PTPRN2: variants seen among roughly 807,000 people sequenced by gnomAD.
The protein encoded by PTPRN2 is receptor-type tyrosine-protein phosphatase N2.
A neutral mutation model predicts 118.8 loss-of-function variants in PTPRN2; 74 were observed. That is an observed-to-expected ratio of 0.62 (90% CI 0.52 to 0.76). PTPRN2 has a LOEUF of 0.76. PTPRN2 is among the 30% of genes least tolerant of loss of function. The pLI, the probability that PTPRN2 is intolerant of heterozygous loss-of-function variation, is 0.00. For missense variants in PTPRN2, 1,481 were observed against 1,394.4 expected, an observed-to-expected ratio of 1.06 and a Z score of -0.99; for synonymous variants, 641 against 608.0, an observed-to-expected ratio of 1.05 and a Z score of -0.80.
At chr7:158,034,170 G>A (rs560123311) in intron 11 of PTPRN2, among the ~76,000 whole-genome samples, 1 of 151,542 alleles carries the variant, frequency 6.6e-6, no homozygotes, top group East Asian at 2.0e-4. Flanking sequence ...TGAGGCCTGG[G>A]TGAGCGTCCC....
intron 11 of PTPRN2, among the ~76,000 whole-genome samples, chr7:157,961,017 A>C (rs1415493213): frequency 3.9e-5 from 6 of 152,310 alleles, no homozygotes; most frequent in East Asian, 3.9e-4. Flanking sequence ...AAAAACAAAA[A>C]CAAAACAAAA....
intron 3 of PTPRN2, among the ~76,000 whole-genome samples, chr7:158,206,854 T>A (rs1246896984): frequency 2.0e-5 from 3 of 151,152 alleles, no homozygotes; most frequent in African/African-American, 4.9e-5. Flanking sequence ...CATGTGCACA[T>A]TGTACAGGTT....
intron 9 of PTPRN2, among the ~76,000 whole-genome samples, chr7:158,116,946 C>T (rs2150383281): frequency 6.6e-6 from 1 of 152,232 alleles, no homozygotes; most frequent in South Asian, 2.1e-4. Context: ...CAAAAAATAG[C>T]AAACCTATGG....
intron 1 of PTPRN2, among the ~76,000 whole-genome samples, chr7:158,578,281 C>CG (rs750694612): frequency 7.4e-6 from 1 of 135,132 alleles, no homozygotes; most frequent in Non-Finnish European, 1.6e-5. Flanking sequence ...ATTTAAGTCA[C>CG]CTTTTTTTTT....
intron 12 of PTPRN2, among the ~76,000 whole-genome samples, chr7:157,720,989 G>A (rs927093295): frequency 2.6e-5 from 4 of 152,148 alleles, no homozygotes; most frequent in Admixed American, 2.0e-4. Flanking sequence ...AGGTAGGTGT[G>A]GGGGCTCGGG....
At chr7:158,246,872 C>T (rs1796288492) in intron 3 of PTPRN2, among the ~76,000 whole-genome samples, 2 of 152,108 alleles carry the variant, frequency 1.3e-5, no homozygotes, top group Non-Finnish European at 2.9e-5. Flanking sequence ...CACAAGACAG[C>T]TTCAGAGCTG....
At chr7:158,040,907 A>G (rs1032245036) in intron 11 of PTPRN2, among the ~76,000 whole-genome samples, 1 of 151,906 alleles carries the variant, frequency 6.6e-6, no homozygotes, top group Non-Finnish European at 1.5e-5. Flanking sequence ...TAATTTTTGT[A>G]TTTTTAGTAA....
At chr7:157,652,231 C>T (rs934861012) in intron 14 of PTPRN2, among the ~76,000 whole-genome samples, 4 of 152,330 alleles carry the variant, frequency 2.6e-5, no homozygotes, top group South Asian at 2.1e-4. Context: ...GCAAAGGCCC[C>T]GCCGGGCTCT....
At chr7:157,806,780 C>A (rs1316755323) in intron 12 of PTPRN2, among the ~76,000 whole-genome samples, 2 of 152,244 alleles carry the variant, frequency 1.3e-5, no homozygotes, top group African/African-American at 4.8e-5. Context: ...CACTGAGAAC[C>A]CCCTCAGTCC....
chr7:158,166,891 A>G, intron 6 of PTPRN2, 40 bp downstream of exon 6: 2 of 1,419,682 alleles, frequency 1.4e-6, no homozygotes, highest in South Asian at 1.6e-5. Context: ...TGGACAGAGG[A>G]CAGTCAGCAA....
intron 11 of PTPRN2, among the ~76,000 whole-genome samples, chr7:158,071,452 TGGTTGAGGTGCTC>T (rs1331560350): frequency 7.9e-5 from 6 of 75,478 alleles, no homozygotes; most frequent in Admixed American, 2.6e-4. Context: ...GAGGTGCTCG[TGGTTGAGGTGCTC>T]GTGGTGGTGG....
chr7:158,530,637 G>T (rs117153983), intron 1 of PTPRN2, among the ~76,000 whole-genome samples: 2,130 of 152,344 alleles, frequency 0.014, 24 homozygotes, highest in Non-Finnish European at 0.023. Flanking sequence ...GCACCCATGT[G>T]TGCATATATG....
chr7:157,736,530 C>T (rs955381684), intron 12 of PTPRN2, among the ~76,000 whole-genome samples: 6 of 152,190 alleles, frequency 3.9e-5, no homozygotes, highest in African/African-American at 1.4e-4. Context: ...AGAGAGGTCA[C>T]AGGAAGAACC....
At chr7:158,445,821 A>G (rs1164990578) in intron 2 of PTPRN2, among the ~76,000 whole-genome samples, 4 of 152,200 alleles carry the variant, frequency 2.6e-5, no homozygotes, top group African/African-American at 9.7e-5. Context: ...TGAGCCACAG[A>G]GCAGCAGACG....
In PTPRN2 at chr7:157,869,705, G is replaced by A. The variant is rs60363175; in HGVS notation, c.1788+28968C>T. 0.011 allele frequency among the ~76,000 whole-genome samples: 1,652 copies of A among 152,284 alleles called. 36 individuals carry two copies. The highest frequency in any genetic ancestry group is 0.038 in the African/African-American group (1,570 of 41,544). The stretch of plus-strand genomic sequence containing the variant: ...GGGGGATGCCTCATGAGTTCTCATC[G>A]GAACTCTTGCTAAATTGCCCGTGTT... On this transcript the variant is annotated intron_variant, in intron 12 of 22. Transcript: ENST00000389418. The surrounding 1 kb of genome is among the most constrained non-coding windows in gnomAD (Gnocchi z 4.2).
intron 4 of PTPRN2, among the ~76,000 whole-genome samples, chr7:158,204,432 A>T (rs1452580188): frequency 6.6e-6 from 1 of 152,192 alleles, no homozygotes; most frequent in Non-Finnish European, 1.5e-5. Context: ...AGATATCTAA[A>T]TTTTGTGTTA....
intron 21 of PTPRN2, among the ~76,000 whole-genome samples, chr7:157,561,720 C>T (rs1799200600): frequency 6.6e-6 from 1 of 152,250 alleles, no homozygotes; most frequent in African/African-American, 2.4e-5. Context: ...CCCAGGACAG[C>T]CCGTGAGTGA....
At chr7:158,073,624 T>C (rs979132406) in intron 11 of PTPRN2, among the ~76,000 whole-genome samples, 1 of 150,214 alleles carries the variant, frequency 6.7e-6, no homozygotes. Context: ...GCCCTTTCTA[T>C]GCGGAGATGA....
At chr7:157,884,008 A>T (rs1796320232) in intron 12 of PTPRN2, among the ~76,000 whole-genome samples, 1 of 151,518 alleles carries the variant, frequency 6.6e-6, no homozygotes, top group Non-Finnish European at 1.5e-5. Flanking sequence ...ACTGTTGGAG[A>T]TCAGAACACA....
Sources: gnomAD v4.1 joint callset for allele counts (sites outside exome capture counted in the v4.1 genomes callset) on GRCh38, gnomAD v4.1.1 for gene constraint, Gnocchi (gnomAD v3.1) non-coding constraint, MANE v1.5 for transcripts, NCBI Gene and HGNC (gene_info 2026-07-23, HGNC 2026-07-21) for gene names.